RNF138: variants seen among roughly 807,000 people sequenced by gnomAD.
The protein encoded by RNF138 is ring finger protein 138, also known as E3 ubiquitin-protein ligase RNF138.
Under a neutral mutation model 31.0 loss-of-function variants are expected in RNF138, and 12 were observed. That is an observed-to-expected ratio of 0.39 (90% CI 0.25 to 0.63). The LOEUF (loss-of-function observed/expected upper bound fraction) is 0.63. RNF138 is among the 20% of genes least tolerant of loss of function. RNF138 has a pLI of 0.52. For synonymous variants in RNF138, 105 were observed against 99.5 expected (o/e 1.06, Z -0.33); for missense variants, 192 against 300.1 (o/e 0.64, Z 2.66).
intron 4 of RNF138, 38 bp from the exon 5 acceptor site, chr18:32,123,480 A>G (rs1237654075): frequency 7.6e-7 from 1 of 1,319,346 alleles, no homozygotes; most frequent in Non-Finnish European, 1.1e-6. Flanking sequence ...TGTTTTCATT[A>G]CTTTGAGGTA....
chr18:32,095,564 C>A (rs2039789946), intron 2 of RNF138, among the ~76,000 whole-genome samples: 1 of 152,110 alleles, frequency 6.6e-6, no homozygotes, highest in Non-Finnish European at 1.5e-5. Context: ...TATTTGGCTG[C>A]AAAATCAATT....
In RNF138 at chr18:32,091,910, C is replaced by T. The variant is rs576632438; in HGVS notation, c.-403C>T. On this transcript the variant is annotated 5_prime_UTR_variant, in exon 1 of 8. Coordinates refer to ENST00000261593, the MANE Select transcript of RNF138 (RefSeq NM_016271.5). ...GTTGCTATACAGGCCGCACTTCACA[C>T]CCCGTGCCTCCCCGCCTCTCCTGGC... is the stretch of plus-strand genomic sequence containing the variant. The T allele has an allele frequency of 6.6e-5, 10 of 152,456 alleles. No homozygotes were observed. The highest frequency in any genetic ancestry group is 2.1e-4 in the South Asian group (1 of 4,832). 9.4% of individuals were successfully genotyped at this position (152,456 alleles called of 1,614,324 possible). A position where few individuals can be genotyped will look rare whatever the true frequency, so the allele number is the denominator to read the frequency against.
chr18:32,110,918 C>T (rs1250846280), intron 2 of RNF138, among the ~76,000 whole-genome samples: 1 of 151,944 alleles, frequency 6.6e-6, no homozygotes. Flanking sequence ...GTAGCTGAAA[C>T]TACAGGCGCC....
intron 2 of RNF138, among the ~76,000 whole-genome samples, chr18:32,093,679 T>C (rs2144553944): frequency 6.6e-6 from 1 of 152,062 alleles, no homozygotes; most frequent in East Asian, 1.9e-4. Flanking sequence ...CTACCCAGGG[T>C]GGGGGAGAAC....
rs1184294532 is a variant in RNF138 at position 32,102,190 on chromosome 18, A to AGTTTCTTT, written c.110+9305_110+9312dup. Among the ~76,000 whole-genome samples the AGTTTCTTT allele has an allele frequency of 4.3e-4, 49 of 113,428 alleles. 2 individuals carry two copies. The highest frequency in any genetic ancestry group is 2.9e-4 in the Non-Finnish European group (16 of 55,724). 74.4% of individuals were successfully genotyped at this position (113,428 alleles called of 152,430 possible). A position where few individuals can be genotyped will look rare whatever the true frequency, so the allele number is the denominator to read the frequency against. ...GAGCCACCACACCTGACCTTCTTTT[A>AGTTTCTTT]GTTTCTTTTTTTTTTTTTTTTTTTT... On this transcript the variant is annotated intron_variant, in intron 2 of 7. Transcript: ENST00000261593.
chr18:32,114,241 A>G (rs2040179931), intron 4 of RNF138, among the ~76,000 whole-genome samples: 1 of 152,162 alleles, frequency 6.6e-6, no homozygotes, highest in South Asian at 2.1e-4. Flanking sequence ...TTGCTATCTA[A>G]GGGATAGACT....
intron 2 of RNF138, 22 bp downstream of exon 2, chr18:32,092,908 C>T (rs745681733): frequency 7.6e-5 from 107 of 1,405,738 alleles, no homozygotes; most frequent in Admixed American, 4.1e-4. Flanking sequence ...CCCCCTCCCC[C>T]TCGCGGAGCC....
At chr18:32,092,476 G>A in intron 1 of RNF138, 1 of 374,726 alleles carries the variant, frequency 2.7e-6, no homozygotes. Flanking sequence ...CGGGGTGAGG[G>A]GCGAGCGGGG....
intron 2 of RNF138, among the ~76,000 whole-genome samples, chr18:32,096,854 G>A (rs2039815938): frequency 6.6e-6 from 1 of 152,028 alleles, no homozygotes; most frequent in Admixed American, 6.6e-5. Context: ...AACCTCCCAA[G>A]TAGCTAGCTG....
chr18:32,108,201 A>C (rs559285559), intron 2 of RNF138, among the ~76,000 whole-genome samples: 1 of 152,290 alleles, frequency 6.6e-6, no homozygotes, highest in East Asian at 1.9e-4. Flanking sequence ...ACGTGTCCCT[A>C]TCACAGATAT....
At chr18:32,127,955 C>T (rs1472190975) in intron 7 of RNF138, among the ~76,000 whole-genome samples, 5 of 152,250 alleles carry the variant, frequency 3.3e-5, no homozygotes, top group Middle Eastern at 3.4e-3. Context: ...TGGCAGGTGC[C>T]TATAGTCCCA....
chr18:32,125,178 G>A, intron 6 of RNF138: 1 of 188,000 alleles, frequency 5.3e-6, no homozygotes, highest in Non-Finnish European at 1.1e-5. Flanking sequence ...CTCTGTAGAT[G>A]GCAGACAAGT....
At chr18:32,127,867 T>C (rs2040407258) in intron 7 of RNF138, among the ~76,000 whole-genome samples, 1 of 151,644 alleles carries the variant, frequency 6.6e-6, no homozygotes, top group Non-Finnish European at 1.5e-5. Flanking sequence ...GATCACAAGG[T>C]CAGGAGATTG....
chr18:32,093,998 AG>A (rs1291045316), intron 2 of RNF138, among the ~76,000 whole-genome samples: 1 of 152,076 alleles, frequency 6.6e-6, no homozygotes, highest in Non-Finnish European at 1.5e-5. Context: ...TCACCGTGTT[AG>A]CAAGGATGGT....
intron 2 of RNF138, among the ~76,000 whole-genome samples, chr18:32,100,872 T>G (rs550290364): frequency 6.6e-6 from 1 of 152,318 alleles, no homozygotes; most frequent in African/African-American, 2.4e-5. Flanking sequence ...CCCAGAGTGC[T>G]GGGATCACAG....
At position 32,131,551 on chromosome 18, in the gene RNF138, G is replaced by GT. The variant is rs1345487400; in HGVS notation, c.*2368dup. ...TTGCTTTATTTTTCAATTAAAAGTG[G>GT]TTTTCTCCTACTTGTGTGTCTAATT... is the stretch of plus-strand genomic sequence containing the variant. On this transcript the variant is annotated 3_prime_UTR_variant, in exon 8 of 8. Coordinates refer to ENST00000261593, the MANE Select transcript of RNF138 (RefSeq NM_016271.5). 4 of 152,068 alleles carry GT rather than the reference G, an allele frequency of 2.6e-5. No individual in the cohort carries two copies. Among genetic ancestry groups the GT allele is most frequent in the Non-Finnish European group, 5.9e-5 (4 of 67,984 alleles). The allele number at this position is 152,068 out of a possible 1,614,324, so 9.4% of individuals were successfully genotyped here. A position where few individuals can be genotyped will look rare whatever the true frequency, so the allele number is the denominator to read the frequency against.
intron 2 of RNF138, among the ~76,000 whole-genome samples, chr18:32,102,195 C>CTTTT (rs1167535943): frequency 8.0e-4 from 51 of 63,824 alleles, no homozygotes; most frequent in African/African-American, 1.4e-3. Context: ...CTTTTAGTTT[C>CTTTT]TTTTTTTTTT....
chr18:32,093,518 C>T (rs1244553926), intron 2 of RNF138, among the ~76,000 whole-genome samples: 1 of 152,182 alleles, frequency 6.6e-6, no homozygotes, highest in African/African-American at 2.4e-5. Context: ...GAGTTTTCTT[C>T]TCTGGTCTCT....
intron 2 of RNF138, among the ~76,000 whole-genome samples, chr18:32,101,399 A>G (rs1395534192): frequency 1.3e-5 from 2 of 151,012 alleles, no homozygotes; most frequent in Non-Finnish European, 3.0e-5. Flanking sequence ...TTGTGTATAT[A>G]TATATATTTT....
Sources: allele counts gnomAD v4.1 joint callset (sites outside exome capture counted in the v4.1 genomes callset), GRCh38; gene constraint gnomAD v4.1.1; transcripts MANE v1.5; gene names NCBI Gene and HGNC (gene_info 2026-07-23, HGNC 2026-07-21).